CEP128: variants seen among roughly 807,000 people sequenced by gnomAD.
The protein encoded by CEP128 is centrosomal protein 128.
In CEP128, 132 loss-of-function variants were observed where a neutral mutation model predicts 156.7. The ratio of observed to expected loss-of-function variants is 0.84; its 90% confidence interval spans 0.73 to 0.97. The LOEUF (loss-of-function observed/expected upper bound fraction) is 0.97. Among genes scored for constraint, CEP128 ranks in the 50% least tolerant of loss-of-function variants. CEP128 has a pLI of 0.00. For synonymous variants in CEP128, 469 were observed against 448.9 expected (o/e 1.04, Z -0.57); for missense variants, 1,252 against 1,281.9 (o/e 0.98, Z 0.36).
At chr14:80,647,033 GCATGTATATATATATATATATATA>G (rs1566831462) in intron 19 of CEP128, among the ~76,000 whole-genome samples, 2 of 68,788 alleles carry the variant, frequency 2.9e-5, no homozygotes, top group Admixed American at 1.8e-4. Context: ...ATATATGTGT[GCATGTATATATATATATATATATA>G]TATATATATA....
intron 8 of CEP128, among the ~76,000 whole-genome samples, chr14:80,888,641 A>T (rs984745270): frequency 5.9e-5 from 9 of 152,194 alleles, no homozygotes; most frequent in African/African-American, 2.2e-4. Context: ...CAAAATAATA[A>T]GACCTATTTT....
intron 19 of CEP128, among the ~76,000 whole-genome samples, chr14:80,613,447 C>T (rs1443965786): frequency 1.3e-5 from 2 of 150,530 alleles, no homozygotes; most frequent in East Asian, 2.0e-4. Context: ...GGACTACAGG[C>T]GCCCGCCACC....
chr14:80,801,707 G>C (rs1227473968), intron 13 of CEP128, among the ~76,000 whole-genome samples: 1 of 151,838 alleles, frequency 6.6e-6, no homozygotes, highest in Non-Finnish European at 1.5e-5. Context: ...AGGAGTTTGA[G>C]ATCAGCCTAG....
chr14:80,751,109 C>G (rs1436457206), intron 18 of CEP128, among the ~76,000 whole-genome samples: 3 of 152,308 alleles, frequency 2.0e-5, no homozygotes, highest in Non-Finnish European at 4.4e-5. Flanking sequence ...CTTGAACTTA[C>G]AGCCTCCAGA....
intron 13 of CEP128, chr14:80,822,605 T>A: frequency 1.4e-6 from 1 of 714,572 alleles, no homozygotes; most frequent in Non-Finnish European, 2.6e-6. Flanking sequence ...ATCCATGAGG[T>A]TGTCAGCTAA....
chr14:80,816,835 G>A (rs1187186342), intron 13 of CEP128, among the ~76,000 whole-genome samples: 3 of 152,084 alleles, frequency 2.0e-5, no homozygotes, highest in Non-Finnish European at 2.9e-5. Flanking sequence ...ATCAAACAAA[G>A]AGACGGCTAA....
rs149682408 is a variant in CEP128, at chr14:80,644,455, C to T, written c.2807-64032G>A. ...ACAAGCCAGTAAGACATGGGTGTTA[C>T]ACTATCAGGAGAAATATATTCCACT... is the stretch of plus-strand genomic sequence containing the variant. On this transcript the variant is annotated intron_variant, in intron 19 of 24. Transcript: ENST00000555265. 4.7e-4 allele frequency among the ~76,000 whole-genome samples: 72 copies of T among 152,270 alleles called. 1 individual carries two copies. In the East Asian group the frequency reaches 0.013, roughly 28 times the overall value.
chr14:80,887,924 C>A (rs139220121), intron 8 of CEP128, among the ~76,000 whole-genome samples: 1 of 152,026 alleles, frequency 6.6e-6, no homozygotes, highest in Admixed American at 6.6e-5. Flanking sequence ...CAAATAGACA[C>A]AATAAGAAAT....
chr14:80,811,848 G>GATAGATAGATAGATA (rs1555350886), intron 13 of CEP128, among the ~76,000 whole-genome samples: 96 of 18,812 alleles, frequency 5.1e-3, no homozygotes, highest in Non-Finnish European at 8.9e-3. Flanking sequence ...ATAGATAGAT[G>GATAGATAGATAGATA]ATAACAGTCC....
chr14:80,949,042 G>C (rs1886402277), intron 2 of CEP128, among the ~76,000 whole-genome samples: 1 of 152,076 alleles, frequency 6.6e-6, no homozygotes, highest in Non-Finnish European at 1.5e-5. Flanking sequence ...TACCACTTTT[G>C]TTCCCAGCAA....
At chr14:80,605,699 A>G (rs1485460741) in intron 19 of CEP128, among the ~76,000 whole-genome samples, 2 of 152,024 alleles carry the variant, frequency 1.3e-5, no homozygotes, top group Non-Finnish European at 2.9e-5. Flanking sequence ...TGTCAAGGCA[A>G]AAAAAGGCCA....
At chr14:80,548,896 GA>G (rs1383601385) in intron 21 of CEP128, among the ~76,000 whole-genome samples, 1 of 152,142 alleles carries the variant, frequency 6.6e-6, no homozygotes, top group Non-Finnish European at 1.5e-5. Context: ...CAGGGCTGTA[GA>G]AAACAATTTT....
intron 8 of CEP128, among the ~76,000 whole-genome samples, chr14:80,880,186 G>T (rs1267987829): frequency 6.6e-6 from 1 of 151,918 alleles, no homozygotes; most frequent in Admixed American, 6.6e-5. Context: ...TATGCAAATT[G>T]ATGTCATACA....
chr14:80,639,206 G>A (rs529013810), intron 19 of CEP128, among the ~76,000 whole-genome samples: 1 of 152,206 alleles, frequency 6.6e-6, no homozygotes, highest in East Asian at 1.9e-4. Context: ...TAAAATGTTT[G>A]ATTGTGAAGC....
At chr14:80,609,072 G>T (rs188584589) in intron 19 of CEP128, among the ~76,000 whole-genome samples, 1 of 152,104 alleles carries the variant, frequency 6.6e-6, no homozygotes, top group Non-Finnish European at 1.5e-5. Context: ...CATGACTTGG[G>T]ACTATTAGAG....
intron 19 of CEP128, among the ~76,000 whole-genome samples, chr14:80,629,224 C>T (rs1199190759): frequency 2.0e-5 from 3 of 152,036 alleles, no homozygotes; most frequent in Admixed American, 6.6e-5. Context: ...TAGAGATCAG[C>T]GATGTGAGTT....
At chr14:80,828,393 G>A (rs944230651) in intron 13 of CEP128, among the ~76,000 whole-genome samples, 2 of 152,086 alleles carry the variant, frequency 1.3e-5, no homozygotes, top group Non-Finnish European at 2.9e-5. Context: ...AAAGTGCTGG[G>A]ATTACAGGCG....
intron 13 of CEP128, among the ~76,000 whole-genome samples, chr14:80,805,356 T>C (rs749386749): frequency 3.9e-5 from 6 of 152,094 alleles, no homozygotes; most frequent in East Asian, 1.9e-4. Context: ...ATTTATTTTG[T>C]TCTGTAGTGG....
In CEP128 at chr14:80,952,016, A is replaced by G. The variant is rs192047937; in HGVS notation, c.-172+6162T>C. On this transcript the variant is annotated intron_variant, in intron 2 of 7. Transcript: ENST00000555529. ...TTTAAATTGCATGAAGAAAAACCTG[A>G]TAGAAATGCAATGAGGGGGAAAAAA... is the stretch of plus-strand genomic sequence containing the variant. 4.3e-4 allele frequency among the ~76,000 whole-genome samples: 65 copies of G among 152,244 alleles called. 1 individual carries two copies. The highest frequency in any genetic ancestry group is 4.2e-3 in the Admixed American group (65 of 15,304).
Sources: allele counts gnomAD v4.1 joint callset (sites outside exome capture counted in the v4.1 genomes callset), GRCh38; gene constraint gnomAD v4.1.1; transcripts MANE v1.5; gene names NCBI Gene and HGNC (gene_info 2026-07-23, HGNC 2026-07-21).